The following CC2D2B variants were observed in gnomAD, a reference collection of about 807,000 sequenced individuals.
The protein encoded by CC2D2B is protein CC2D2B.
In CC2D2B, 128 loss-of-function variants were observed where a neutral mutation model predicts 161.2. The ratio of observed to expected loss-of-function variants is 0.79; its 90% CI spans 0.69 to 0.92. The LOEUF (loss-of-function observed/expected upper bound fraction) is 0.92, where lower values mean the gene tolerates loss of function less well. Among genes scored for constraint, CC2D2B ranks in the 40% least tolerant of loss-of-function variants. The probability of loss-of-function intolerance (pLI) is 0.00; values close to 1 mark genes in which losing one functional copy is unlikely to be tolerated. For synonymous variants in CC2D2B, 391 were observed against 449.8 expected, an observed-to-expected ratio of 0.87 and a Z score of 1.65; for missense variants, 1,173 against 1,375.1, an observed-to-expected ratio of 0.85 and a Z score of 2.32.
chr10:95,927,785 C>T (rs752186218), intron 6 of CC2D2B, among the ~76,000 whole-genome samples: 1 of 151,422 alleles, frequency 6.6e-6, no homozygotes, highest in Non-Finnish European at 1.5e-5. Flanking sequence ...ATGGTCTCCT[C>T]ATTCTTCATT....
Position 96,032,162 on chromosome 10 carries a change from C to T in CC2D2B, c.*154C>T, listed in dbSNP as rs1045194838. 4 of 593,402 alleles carry T rather than the reference C, an allele frequency of 6.7e-6. No individual in the cohort carries two copies. Among genetic ancestry groups the T allele is most frequent in the Non-Finnish European group, 1.2e-5 (4 of 337,004 alleles). 36.8% of individuals were successfully genotyped at this position (593,402 alleles called of 1,614,324 possible). Reference sequence around the variant, plus strand: ...CTTACAGAGCTGGGCACTATGGAGACTCGCACCCCTGAGTGAGTCTTTGAG... The same window carrying T: ...CTTACAGAGCTGGGCACTATGGAGATTCGCACCCCTGAGTGAGTCTTTGAG... On this transcript the variant is annotated 3_prime_UTR_variant, in exon 35 of 35. Coordinates refer to ENST00000646931, the MANE Select transcript of CC2D2B (RefSeq NM_001349008.3).
intron 1 of CC2D2B, among the ~76,000 whole-genome samples, chr10:95,910,151 G>C (rs2098503533): frequency 6.6e-6 from 1 of 152,118 alleles, no homozygotes; most frequent in Non-Finnish European, 1.5e-5. Flanking sequence ...GTGAGACCCT[G>C]TCTCTAAAAA....
intron 22 of CC2D2B, among the ~76,000 whole-genome samples, chr10:95,993,946 G>T (rs12764883): frequency 1.4e-4 from 4 of 29,004 alleles, no homozygotes; most frequent in East Asian, 4.0e-3. Context: ...GTGTGTGTAT[G>T]TATGTGTATA....
intron 24 of CC2D2B, among the ~76,000 whole-genome samples, chr10:95,996,729 T>C (rs1216634380): frequency 6.6e-6 from 1 of 152,260 alleles, no homozygotes; most frequent in Non-Finnish European, 1.5e-5. Context: ...TTCTGTAATC[T>C]TGTTTCTTTA....
intron 9 of CC2D2B, among the ~76,000 whole-genome samples, chr10:95,944,865 A>T (rs1332424935): frequency 1.3e-5 from 2 of 152,206 alleles, no homozygotes; most frequent in Non-Finnish European, 2.9e-5. Flanking sequence ...GAGTTTTAAA[A>T]TTCTTTCTTG....
At chr10:95,945,746 A>G (rs986985150) in intron 9 of CC2D2B, among the ~76,000 whole-genome samples, 1 of 135,266 alleles carries the variant, frequency 7.4e-6, no homozygotes, top group Non-Finnish European at 1.6e-5. Flanking sequence ...GGAGTTTGCT[A>G]CCTCTCAAAA....
At chr10:95,927,371 A>C in intron 6 of CC2D2B, 39 bp downstream of exon 6, 10 of 1,084,438 alleles carry the variant, frequency 9.2e-6, no homozygotes, top group Non-Finnish European at 1.2e-5. Context: ...TCTCACTCTC[A>C]GGAAAAAATG....
intron 22 of CC2D2B, among the ~76,000 whole-genome samples, chr10:95,994,548 A>G (rs994613316): frequency 1.3e-5 from 2 of 152,200 alleles, no homozygotes; most frequent in South Asian, 2.1e-4. Context: ...CTGGTAGAGC[A>G]GAGTGTTCCC....
intron 25 of CC2D2B, among the ~76,000 whole-genome samples, chr10:96,009,266 A>C (rs561366265): frequency 2.0e-5 from 3 of 152,140 alleles, no homozygotes; most frequent in Non-Finnish European, 2.9e-5. Context: ...GACCATTTAC[A>C]TTTTGTATAA....
At chr10:95,943,855 C>G (rs1237954201) in intron 9 of CC2D2B, among the ~76,000 whole-genome samples, 2 of 152,104 alleles carry the variant, frequency 1.3e-5, no homozygotes, top group African/African-American at 4.8e-5. Context: ...ATGATGTTAT[C>G]TTCCACCAGA....
At position 95,933,386 on chromosome 10, in the gene CC2D2B, A is replaced by G. The variant is rs377299890; in HGVS notation, c.337-4605A>G. The stretch of plus-strand genomic sequence containing the variant: ...CACCTTCTGAAGCCTACTTCTGTCA[A>G]TTCATCAAACTTATTCTCTGTCCAG... On this transcript the variant is annotated intron_variant, in intron 6 of 34. Coordinates refer to ENST00000646931, the MANE Select transcript of CC2D2B (RefSeq NM_001349008.3). Among the ~76,000 whole-genome samples the G allele has an allele frequency of 5.1e-3, 771 of 152,156 alleles. 7 individuals carry two copies. Among genetic ancestry groups the G allele is most frequent in the African/African-American group, 0.018 (738 of 41,530 alleles).
intron 2 of CC2D2B, among the ~76,000 whole-genome samples, chr10:95,914,483 A>G (rs1281915317): frequency 6.6e-6 from 1 of 152,134 alleles, no homozygotes; most frequent in East Asian, 1.9e-4. Flanking sequence ...CCCCATCCAA[A>G]ATCTCATCTG....
intron 29 of CC2D2B, among the ~76,000 whole-genome samples, chr10:96,014,237 T>G (rs1192429324): frequency 6.6e-6 from 1 of 152,198 alleles, no homozygotes; most frequent in Non-Finnish European, 1.5e-5. Flanking sequence ...CACCCCCATC[T>G]GAGTGAAGAG....
At chr10:95,925,091 A>T (rs541436417) in intron 5 of CC2D2B, among the ~76,000 whole-genome samples, 1 of 152,330 alleles carries the variant, frequency 6.6e-6, no homozygotes, top group East Asian at 1.9e-4. Flanking sequence ...AAATTATAAT[A>T]AAATATTGTT....
intron 34 of CC2D2B, among the ~76,000 whole-genome samples, chr10:96,030,599 A>C (rs970444361): frequency 1.3e-5 from 2 of 152,144 alleles, no homozygotes; most frequent in African/African-American, 2.4e-5. Context: ...GCTTTATTTT[A>C]AAGCTTATAA....
At chr10:95,973,372 C>A (rs191418829) in intron 16 of CC2D2B, among the ~76,000 whole-genome samples, 13 of 152,292 alleles carry the variant, frequency 8.5e-5, no homozygotes, top group African/African-American at 2.9e-4. Context: ...GAACAGCTTG[C>A]TGGCCTCTTT....
intron 24 of CC2D2B, among the ~76,000 whole-genome samples, chr10:96,001,326 G>T (rs2078484554): frequency 6.6e-6 from 1 of 152,056 alleles, no homozygotes; most frequent in South Asian, 2.1e-4. Context: ...TACACATAGA[G>T]CAGGATTGTC....
chr10:95,993,944 ATGTATG>A (rs1419030180), intron 22 of CC2D2B, among the ~76,000 whole-genome samples: 3,161 of 22,186 alleles, frequency 0.14, 246 homozygotes, highest in Middle Eastern at 0.19. Flanking sequence ...GTGTGTGTGT[ATGTATG>A]TGTATATATA....
At chr10:95,953,325 C>T (rs180818753) in intron 10 of CC2D2B, among the ~76,000 whole-genome samples, 17 of 152,166 alleles carry the variant, frequency 1.1e-4, no homozygotes, top group African/African-American at 4.1e-4. Flanking sequence ...ACTCAGCCTC[C>T]CAAGTAGCTG....
Sources: gnomAD v4.1 joint callset for allele counts (sites outside exome capture counted in the v4.1 genomes callset) on GRCh38, gnomAD v4.1.1 for gene constraint, MANE v1.5 for transcripts, NCBI Gene and HGNC (gene_info 2026-07-23, HGNC 2026-07-21) for gene names.